Variants in VPS13D observed in about 807,000 individuals in gnomAD.
VPS13D encodes vacuolar protein sorting 13 homolog D, also known as intermembrane lipid transfer protein VPS13D.
Under a neutral mutation model 461.9 loss-of-function variants are expected in VPS13D, and 187 were observed. The observed-to-expected ratio is 0.40, with a 90% CI of 0.36 to 0.46. VPS13D has a LOEUF of 0.46. Ranked by LOEUF, VPS13D falls within the 20% of genes least tolerant of loss-of-function variation. The pLI, the probability that VPS13D is intolerant of heterozygous loss-of-function variation, is 0.60. For synonymous variants in VPS13D, 1,951 were observed against 1,986.3 expected (o/e 0.98, Z 0.47); for missense variants, 4,711 against 5,364.9 (o/e 0.88, Z 3.81).
chr1:12,448,798 AT>A (rs1423136997), intron 65 of VPS13D, among the ~76,000 whole-genome samples: 1 of 152,196 alleles, frequency 6.6e-6, no homozygotes, highest in Non-Finnish European at 1.5e-5. Flanking sequence ...AAAAAGCAAA[AT>A]CCTATTATGG....
intron 68 of VPS13D, among the ~76,000 whole-genome samples, 168 bp from the exon 69 acceptor site, chr1:12,506,685 A>C (rs1355191723): frequency 6.6e-6 from 1 of 152,278 alleles, no homozygotes; most frequent in African/African-American, 2.4e-5. Flanking sequence ...TGCTCACAGA[A>C]AAACAACAAA....
At chr1:12,311,365 T>A in intron 27 of VPS13D, 89 bp from the exon 28 acceptor site, 3 of 1,266,222 alleles carry the variant, frequency 2.4e-6, no homozygotes, top group Middle Eastern at 2.8e-4. Flanking sequence ...TGTAGGTGAG[T>A]ACATTTTAGC....
In VPS13D at chr1:12,361,403, A is replaced by ATT. The variant is rs1297978975; in HGVS notation, c.10142-1308_10142-1307dup. On this transcript the variant is annotated intron_variant, in intron 50 of 69. Transcript: ENST00000620676. ...TATTTATTTATTTATTTATTTATTTATTTTTTTTTTGAGACGGAGTCTCGC... is the reference window on the plus strand; with the variant it reads ...TATTTATTTATTTATTTATTTATTTATTTTTTTTTTTTGAGACGGAGTCTCGC... 4.7e-4 allele frequency among the ~76,000 whole-genome samples: 63 copies of ATT among 134,002 alleles called. 2 individuals carry two copies. Among genetic ancestry groups the ATT allele is most frequent in the Admixed American group, 1.6e-3 (21 of 13,018 alleles). The allele number at this position is 134,002 out of a possible 152,430, so 87.9% of individuals were successfully genotyped here. A position where few individuals can be genotyped will look rare whatever the true frequency, so the allele number is the denominator to read the frequency against.
At position 12,373,649 on chromosome 1, in the gene VPS13D, T is replaced by A. The variant is rs548207621; in HGVS notation, c.10809-101T>A. ...TAAAAAATTTTCTTTTTAATAAAAG[T>A]TTTGGGCATTTGCTTATTAATACTT... is the stretch of plus-strand genomic sequence containing the variant. On this transcript the variant is annotated intron_variant, in intron 54 of 69. Coordinates refer to ENST00000620676, the MANE Select transcript of VPS13D (RefSeq NM_015378.4). 1.8e-4 allele frequency: 114 copies of A among 633,158 alleles called. No homozygotes were observed. In the African/African-American group the frequency reaches 2.1e-3, roughly 11 times the overall value. 39.2% of individuals were successfully genotyped at this position (633,158 alleles called of 1,614,324 possible).
chr1:12,275,163 G>A (rs1472266724), intron 18 of VPS13D, among the ~76,000 whole-genome samples: 1 of 152,190 alleles, frequency 6.6e-6, no homozygotes, highest in Non-Finnish European at 1.5e-5. Flanking sequence ...AGGTTGTAGT[G>A]AGCCAAGATC....
At chr1:12,457,291 T>G (rs1173868963) in intron 66 of VPS13D, among the ~76,000 whole-genome samples, 1 of 152,186 alleles carries the variant, frequency 6.6e-6, no homozygotes, top group Non-Finnish European at 1.5e-5. Context: ...CCTTCTGCTC[T>G]CCCTCCTCTG....
intron 65 of VPS13D, among the ~76,000 whole-genome samples, chr1:12,448,603 C>T (rs1645223513): frequency 6.6e-6 from 1 of 152,166 alleles, no homozygotes; most frequent in Non-Finnish European, 1.5e-5. Flanking sequence ...CACAGCTGGG[C>T]TTCAGGATTC....
At chr1:12,346,518 C>G (rs1471811264) in intron 43 of VPS13D, 87 bp from the exon 44 acceptor site, 11 of 1,403,822 alleles carry the variant, frequency 7.8e-6, no homozygotes, top group Non-Finnish European at 1.1e-5. Context: ...AAACACGACC[C>G]TTTGAAGAAA....
chr1:12,394,238 T>C (rs534786045), intron 60 of VPS13D, among the ~76,000 whole-genome samples: 5 of 152,328 alleles, frequency 3.3e-5, no homozygotes, highest in Admixed American at 3.3e-4. Flanking sequence ...TCTCTGTTTT[T>C]ATAATTCAAA....
intron 46 of VPS13D, among the ~76,000 whole-genome samples, chr1:12,349,659 A>G (rs1173892609): frequency 6.6e-6 from 1 of 152,214 alleles, no homozygotes; most frequent in Non-Finnish European, 1.5e-5. Context: ...GAGAGGACAT[A>G]TAGAGACGGG....
At chr1:12,456,718 C>T (rs1570211173) in intron 66 of VPS13D, among the ~76,000 whole-genome samples, 1 of 151,452 alleles carries the variant, frequency 6.6e-6, no homozygotes, top group East Asian at 1.9e-4. Context: ...CTTCCAAGCT[C>T]TCTTACTTTA....
intron 68 of VPS13D, among the ~76,000 whole-genome samples, chr1:12,498,849 C>T (rs1645996366): frequency 6.6e-6 from 1 of 152,086 alleles, no homozygotes; most frequent in East Asian, 1.9e-4. Flanking sequence ...GGTACTAATC[C>T]TATCAGCTCA....
At chr1:12,466,584 G>T (rs1645486023) in intron 67 of VPS13D, among the ~76,000 whole-genome samples, 1 of 152,120 alleles carries the variant, frequency 6.6e-6, no homozygotes, top group South Asian at 2.1e-4. Context: ...TTATCCTGTG[G>T]CTCCTGCCTC....
rs893164257 is a variant in VPS13D at position 12,401,098 on chromosome 1, A to T, written c.11785-510A>T. ...TTACCACACTGTTTACCAAAAGCAG[A>T]TAGTTACAAATGATAAACTTTCTTT... On this transcript the variant is annotated intron_variant, in intron 61 of 69. Coordinates refer to ENST00000620676, the MANE Select transcript of VPS13D (RefSeq NM_015378.4). 3.3e-5 allele frequency among the ~76,000 whole-genome samples: 5 copies of T among 152,210 alleles called. 1 individual carries two copies. The highest frequency in any genetic ancestry group is 1.2e-4 in the African/African-American group (5 of 41,456).
At position 12,277,221 on chromosome 1, in the gene VPS13D, T is replaced by C; in HGVS notation, c.3633T>C (p.Phe1211=). The change falls in exon 19 of 70, where the codon TTT becomes TTC. Residue 1211 remains phenylalanine, a synonymous_variant. Coordinates refer to ENST00000620676, the MANE Select transcript of VPS13D (RefSeq NM_015378.4). ...TKVNVSMGST[F]DMNGSLGCLQ... ...TTAATGTCTCAATGGGTAGCACGTTTGACATGAATGGTTCTCTTGGCTGTT... is the reference window on the plus strand; with the variant it reads ...TTAATGTCTCAATGGGTAGCACGTTCGACATGAATGGTTCTCTTGGCTGTT... The C allele has an allele frequency of 6.2e-7, 1 of 1,614,234 alleles. No individual in the cohort carries two copies. The highest frequency in any genetic ancestry group is 8.5e-7 in the Non-Finnish European group (1 of 1,180,028).
At chr1:12,409,827 T>C (rs916439259) in intron 63 of VPS13D, 2 of 455,516 alleles carry the variant, frequency 4.4e-6, no homozygotes, top group Admixed American at 2.4e-5. Context: ...TGTGAAGCCA[T>C]TGGAAAGCTA....
At chr1:12,417,115 C>T (rs979321769) in intron 65 of VPS13D, among the ~76,000 whole-genome samples, 2 of 152,148 alleles carry the variant, frequency 1.3e-5, no homozygotes, top group Non-Finnish European at 2.9e-5. Flanking sequence ...GGACCTTTCA[C>T]GATGACCCCT....
chr1:12,340,828 C>T (rs1325651791), intron 40 of VPS13D, among the ~76,000 whole-genome samples: 4 of 152,186 alleles, frequency 2.6e-5, no homozygotes, highest in Non-Finnish European at 5.9e-5. Flanking sequence ...GAGGCTTTCT[C>T]ACACTGGTTT....
rs201427224 is a variant in VPS13D at position 12,479,059 on chromosome 1, T to C, written c.12663-18441T>C. On this transcript the variant is annotated intron_variant, in intron 67 of 69. Coordinates refer to ENST00000620676, the MANE Select transcript of VPS13D (RefSeq NM_015378.4). ...GCCTGTGAGCCCAGAGTTCTCACTG[T>C]CCGAGGCCGGTGGCCCCATGGGAAC... Among the ~76,000 whole-genome samples the C allele has an allele frequency of 4.3e-4, 65 of 152,310 alleles. No homozygotes were observed. The East Asian group carries it at 0.012, about 28-fold the overall frequency.
Sources: gnomAD v4.1 joint callset for allele counts (sites outside exome capture counted in the v4.1 genomes callset) on GRCh38, gnomAD v4.1.1 for gene constraint, MANE v1.5 for transcripts, NCBI Gene and HGNC (gene_info 2026-07-23, HGNC 2026-07-21) for gene names.